RBFOX1: variants seen among roughly 807,000 people sequenced by gnomAD.
RBFOX1 encodes the protein RNA binding protein fox-1 homolog 1.
In RBFOX1, 8 loss-of-function variants were observed where a neutral mutation model predicts 57.7. That is an observed-to-expected ratio of 0.14 (90% CI 0.08 to 0.25). RBFOX1 has a LOEUF of 0.25. RBFOX1 is among the 10% of genes least tolerant of loss of function. The probability of loss-of-function intolerance (pLI) is 1.00; values close to 1 mark genes in which losing one functional copy is unlikely to be tolerated. For synonymous variants in RBFOX1, 326 were observed against 222.4 expected (o/e 1.47, Z -4.15); for missense variants, 611 against 548.5 (o/e 1.11, Z -1.14).
At chr16:7,392,779 G>T (rs8048562) in intron 4 of RBFOX1, among the ~76,000 whole-genome samples, 9,885 of 152,192 alleles carry the variant, frequency 0.065, 397 homozygotes, top group East Asian at 0.2. Context: ...CATAATTACT[G>T]TAGGGATGTC....
intron 3 of RBFOX1, among the ~76,000 whole-genome samples, chr16:5,831,348 C>T (rs1230393089): frequency 2.0e-5 from 3 of 152,114 alleles, no homozygotes; most frequent in African/African-American, 7.2e-5. Flanking sequence ...CTGCTCTGGC[C>T]ATGGGACCTG....
intron 4 of RBFOX1, among the ~76,000 whole-genome samples, chr16:5,934,146 C>T (rs910674902): frequency 2.6e-5 from 4 of 152,238 alleles, no homozygotes; most frequent in African/African-American, 9.6e-5. Flanking sequence ...TGGCATCATC[C>T]TCAGGAGCTC....
chr16:7,212,543 C>T (rs914593757), intron 4 of RBFOX1, among the ~76,000 whole-genome samples: 1 of 152,076 alleles, frequency 6.6e-6, no homozygotes, highest in African/African-American at 2.4e-5. Flanking sequence ...TGGGATCAGT[C>T]CTGGGCACGA....
chr16:7,541,967 G>T (rs1436439039), intron 5 of RBFOX1, among the ~76,000 whole-genome samples: 1 of 152,208 alleles, frequency 6.6e-6, no homozygotes, highest in Non-Finnish European at 1.5e-5. Flanking sequence ...CAGTGCTTCA[G>T]CTTGACATTA....
intron 3 of RBFOX1, among the ~76,000 whole-genome samples, chr16:6,667,000 C>G (rs1189000079): frequency 2.0e-5 from 3 of 152,100 alleles, no homozygotes; most frequent in Non-Finnish European, 4.4e-5. Context: ...GGTCTCTGCA[C>G]CTGCCTTTTA....
At chr16:7,051,219 C>G (rs1451380793) in intron 3 of RBFOX1, among the ~76,000 whole-genome samples, 3 of 152,182 alleles carry the variant, frequency 2.0e-5, no homozygotes, top group Non-Finnish European at 2.9e-5. Flanking sequence ...AGTCTACCAG[C>G]TCCTGATGAC....
intron 4 of RBFOX1, among the ~76,000 whole-genome samples, chr16:7,153,134 A>C (rs988352340): frequency 6.6e-6 from 1 of 152,162 alleles, no homozygotes; most frequent in African/African-American, 2.4e-5. Flanking sequence ...AAATTAAAGC[A>C]GCTGAATATC....
chr16:7,558,023 T>C (rs112088779), intron 5 of RBFOX1, among the ~76,000 whole-genome samples: 3,584 of 152,264 alleles, frequency 0.024, 88 homozygotes, highest in South Asian at 0.14. Context: ...TAAAATAATT[T>C]AATATTCAAA....
rs2095028152 is a variant in RBFOX1 at position 6,019,578 on chromosome 16, G to A, written c.-541G>A. On this transcript the variant is annotated 5_prime_UTR_variant, in exon 1 of 16. Coordinates refer to ENST00000550418, the MANE Select transcript of RBFOX1 (RefSeq NM_018723.4). The surrounding 1 kb of genome is among the most constrained non-coding windows in gnomAD (Gnocchi z 4.2). ...GGCGGCACTGGCTGGACCCACGCGCGCGCCTCCGGGGCTGAAGAAGGAAGG... is the reference window on the plus strand; with the variant it reads ...GGCGGCACTGGCTGGACCCACGCGCACGCCTCCGGGGCTGAAGAAGGAAGG... The A allele has an allele frequency of 2.3e-5, 27 of 1,173,100 alleles. No homozygotes were observed. The highest frequency in any genetic ancestry group is 2.8e-5 in the Non-Finnish European group (27 of 950,134). 72.7% of individuals were successfully genotyped at this position (1,173,100 alleles called of 1,614,324 possible). A position where few individuals can be genotyped will look rare whatever the true frequency, so the allele number is the denominator to read the frequency against.
At chr16:5,413,402 C>T (rs768064417) in intron 1 of RBFOX1, among the ~76,000 whole-genome samples, 2 of 152,142 alleles carry the variant, frequency 1.3e-5, no homozygotes, top group African/African-American at 2.4e-5. Flanking sequence ...GTTGCAGCAT[C>T]CAATACATAT....
intron 4 of RBFOX1, among the ~76,000 whole-genome samples, chr16:7,253,802 C>G (rs1160610928): frequency 6.6e-6 from 1 of 152,172 alleles, no homozygotes; most frequent in Admixed American, 6.5e-5. Flanking sequence ...GGGAAGGAAT[C>G]TTTTCCTTGT....
chr16:5,248,967 A>G, intron 1 of RBFOX1, among the ~76,000 whole-genome samples: 1 of 143,808 alleles, frequency 7.0e-6, no homozygotes, highest in African/African-American at 2.6e-5. Context: ...CAGCCTGGAC[A>G]ACAGAGCAAG....
intron 3 of RBFOX1, among the ~76,000 whole-genome samples, chr16:6,840,064 C>T (rs934171672): frequency 6.6e-6 from 1 of 152,116 alleles, no homozygotes; most frequent in Non-Finnish European, 1.5e-5. Context: ...GAGTTTACTA[C>T]TCAACTTAAA....
intron 4 of RBFOX1, among the ~76,000 whole-genome samples, chr16:7,092,868 A>T (rs1040479247): frequency 6.6e-6 from 1 of 152,150 alleles, no homozygotes; most frequent in African/African-American, 2.4e-5. Flanking sequence ...CCGCCTTTTC[A>T]CAGTGATTCT....
At chr16:6,829,030 T>A (rs2092471415) in intron 3 of RBFOX1, among the ~76,000 whole-genome samples, 1 of 152,074 alleles carries the variant, frequency 6.6e-6, no homozygotes. Flanking sequence ...GAATTCCTTC[T>A]TGAGACGGTG....
chr16:6,547,094 C>T (rs898915315), intron 2 of RBFOX1, among the ~76,000 whole-genome samples: 2 of 152,218 alleles, frequency 1.3e-5, no homozygotes, highest in African/African-American at 4.8e-5. Flanking sequence ...TTCCCCTGCC[C>T]AACTCTATTG....
chr16:6,055,669 G>A (rs551716116), intron 1 of RBFOX1, among the ~76,000 whole-genome samples: 2 of 150,818 alleles, frequency 1.3e-5, no homozygotes, highest in East Asian at 3.9e-4. Flanking sequence ...TGCAGTCTGA[G>A]AAGCGAGACA....
At chr16:5,383,144 G>T (rs2066170816) in intron 1 of RBFOX1, among the ~76,000 whole-genome samples, 1 of 152,202 alleles carries the variant, frequency 6.6e-6, no homozygotes. Context: ...GTTGAGAAAT[G>T]GCTGGATTTT....
chr16:7,246,738 G>T (rs944923547), intron 4 of RBFOX1, among the ~76,000 whole-genome samples: 2 of 149,544 alleles, frequency 1.3e-5, no homozygotes, highest in Non-Finnish European at 3.0e-5. Context: ...TGACTGCGGT[G>T]GTATCAGCAC....
Sources: gnomAD v4.1 joint callset for allele counts (sites outside exome capture counted in the v4.1 genomes callset) on GRCh38, gnomAD v4.1.1 for gene constraint, Gnocchi (gnomAD v3.1) non-coding constraint, MANE v1.5 for transcripts, NCBI Gene and HGNC (gene_info 2026-07-23, HGNC 2026-07-21) for gene names.